TJP2: variants seen among roughly 807,000 people sequenced by gnomAD.
The protein encoded by TJP2 is Friedreich ataxia region gene X104 (tight junction protein ZO-2).
A neutral mutation model predicts 133.1 loss-of-function variants in TJP2; 91 were observed. That is an observed-to-expected ratio of 0.68 (90% CI 0.58 to 0.81). The LOEUF (loss-of-function observed/expected upper bound fraction) is 0.81, where lower values mean the gene tolerates loss of function less well. TJP2 is among the 40% of genes least tolerant of loss of function. TJP2 has a pLI of 0.00. For missense variants in TJP2, 1,541 were observed against 1,565.6 expected (o/e 0.98, Z 0.26); for synonymous variants, 592 against 583.4 (o/e 1.01, Z -0.21).
At position 69,191,420 on chromosome 9, in the gene TJP2, G is replaced by A. The variant is rs1003681342; in HGVS notation, c.60+16988G>A. On this transcript the variant is annotated intron_variant, in intron 1 of 22. Transcript: ENST00000377245. Reference sequence around the variant, plus strand: ...TGACTATTTCAGTTCCAAACAGTTCGTTATTTCCTGTCAGAGGAAACTTCA... The same window carrying A: ...TGACTATTTCAGTTCCAAACAGTTCATTATTTCCTGTCAGAGGAAACTTCA... 2.6e-5 allele frequency among the ~76,000 whole-genome samples: 4 copies of A among 152,130 alleles called. No individual in the cohort carries two copies. The East Asian group carries it at 5.8e-4, about 22-fold the overall frequency.
chr9:69,140,007 ATCAGTATGGAACTCAAACACCC>A (rs1432576187), intron 1 of TJP2, among the ~76,000 whole-genome samples: 1 of 152,130 alleles, frequency 6.6e-6, no homozygotes, highest in African/African-American at 2.4e-5. Flanking sequence ...GCAGGCTTAG[ATCAGTATGGAACTCAAACACCC>A]TCAGAGCTGC....
At chr9:69,173,874 G>C (rs973124116), upstream of TJP2, among the ~76,000 whole-genome samples, 4 of 152,170 alleles carry the variant, frequency 2.6e-5, no homozygotes, top group Non-Finnish European at 5.9e-5. Flanking sequence ...CTCCAAACTT[G>C]CAGCACTTCC....
chr9:69,238,060 G>T, intron 15 of TJP2, 87 bp downstream of exon 15: 2 of 902,154 alleles, frequency 2.2e-6, no homozygotes, highest in South Asian at 2.8e-5. Context: ...GAACACCCAC[G>T]TACCCTTCAC....
intron 1 of TJP2, among the ~76,000 whole-genome samples, chr9:69,191,736 T>A (rs201148164): frequency 0.015 from 2,279 of 151,744 alleles, 33 homozygotes; most frequent in Non-Finnish European, 0.023. Flanking sequence ...CAGTTCATTT[T>A]TAAAATTTTT....
Position 69,251,277 on chromosome 9 carries a change from C to T in TJP2, c.3234C>T (p.Val1078=). The change falls in exon 21 of 23, where the codon GTC becomes GTT. Residue 1078 remains valine, a synonymous_variant. Coordinates refer to ENST00000377245, the MANE Select transcript of TJP2 (RefSeq NM_004817.4). Reference sequence around the variant, plus strand: ...AGCAAGATAATGCTCCCAAATCAGTCCTGGGCAAAGTCAAAATATTTGAGA... The same window carrying T: ...AGCAAGATAATGCTCCCAAATCAGTTCTGGGCAAAGTCAAAATATTTGAGA... ...SEEQDNAPKS[V]LGKVKIFEKM... The T allele has an allele frequency of 6.2e-7, 1 of 1,614,126 alleles. No homozygotes were observed. Among genetic ancestry groups the T allele is most frequent in the Non-Finnish European group, 8.5e-7 (1 of 1,180,026 alleles).
Position 69,221,391 on chromosome 9 carries a change from C to A in TJP2, c.847C>A (p.Arg283=), listed in dbSNP as rs867319310. ...ARHDARSRGP[R]SRSREHPHSR... is the part of the protein sequence containing the mutation. ...CCACGATGCCCGCTCTCGGGGACCC[C>A]GAAGCCGCAGCCGCGAGCACCCGCA... The change falls in exon 5 of 23, where the codon CGA becomes AGA. Residue 283 remains arginine, a synonymous_variant. Transcript: ENST00000377245. 3 of 1,580,946 alleles carry A rather than the reference C, an allele frequency of 1.9e-6. No individual in the cohort carries two copies. In the African/African-American group the frequency reaches 4.0e-5, roughly 21 times the overall value.
At chr9:69,203,245 C>G (rs1248017181) in intron 1 of TJP2, among the ~76,000 whole-genome samples, 1 of 152,092 alleles carries the variant, frequency 6.6e-6, no homozygotes, top group African/African-American at 2.4e-5. Context: ...TCTGCATAGC[C>G]TAGGTTGAGG....
Position 69,229,267 on chromosome 9 carries a change from CTCTT to C in TJP2, c.1520+19_1520+22del. 1 of 1,611,212 alleles carries C rather than the reference CTCTT, an allele frequency of 6.2e-7. No homozygotes were observed. The highest frequency in any genetic ancestry group is 1.7e-5 in the Admixed American group (1 of 60,008). On this transcript the variant is annotated intron_variant, in intron 10 of 22. Transcript: ENST00000377245. ...AATATATGGGTATGTATTTCCGTCT[CTCTT>C]TGTTTTCCCTTCTTCCTTACAGCTC... is the stretch of plus-strand genomic sequence containing the variant.
Position 69,248,153 on chromosome 9 carries a change from C to A in TJP2, c.2809C>A (p.Leu937Met). 6.2e-7 allele frequency: 1 copy of A among 1,613,922 alleles called. No homozygotes were observed. Among genetic ancestry groups the A allele is most frequent in the Non-Finnish European group, 8.5e-7 (1 of 1,179,952 alleles). Residue 937 changes from leucine to methionine, a missense_variant, in exon 19 of 23, where the codon CTG becomes ATG. Transcript: ENST00000377245. ...AGGAGGCGCCTACACTGACAATGAG[C>A]TGGATGAGCCAGCCGAGGAGCCGCT... ...GEGGAYTDNE[L>M]DEPAEEPLVS...
At chr9:69,154,673 A>C (rs1200554566) in intron 2 of TJP2, among the ~76,000 whole-genome samples, 4 of 151,486 alleles carry the variant, frequency 2.6e-5, no homozygotes, top group Non-Finnish European at 4.4e-5. Context: ...ACCTATAATC[A>C]TAGCACTTTC....
chr9:69,179,452 G>A (rs144913699), intron 1 of TJP2, among the ~76,000 whole-genome samples: 36 of 151,692 alleles, frequency 2.4e-4, no homozygotes, highest in Non-Finnish European at 4.9e-4. Context: ...TACAGTTACT[G>A]TATGGGGGTG....
chr9:69,131,070 T>C (rs2133236613), intron 1 of TJP2, among the ~76,000 whole-genome samples: 1 of 152,326 alleles, frequency 6.6e-6, no homozygotes, highest in South Asian at 2.1e-4. Flanking sequence ...TTTTAGTCTT[T>C]CTGGCCGTAG....
rs1187724233 is a variant in TJP2 at position 69,228,234 on chromosome 9, T to A, written c.1453+120T>A. The A allele has an allele frequency of 2.4e-6, 3 of 1,255,462 alleles. No homozygotes were observed. The Admixed American group carries it at 6.0e-5, about 25-fold the overall frequency. 77.8% of individuals were successfully genotyped at this position (1,255,462 alleles called of 1,614,324 possible). A position where few individuals can be genotyped will look rare whatever the true frequency, so the allele number is the denominator to read the frequency against. On this transcript the variant is annotated intron_variant, in intron 9 of 22. Coordinates refer to ENST00000377245, the MANE Select transcript of TJP2 (RefSeq NM_004817.4). ...ACGTGGATGCAGCTGGAGGCCATTA[T>A]CCTAAGCTAATTAACATGGTAACAG... is the stretch of plus-strand genomic sequence containing the variant.
At chr9:69,196,950 C>CGTGTGTGT (rs1564425664) in intron 1 of TJP2, among the ~76,000 whole-genome samples, 39 of 126,262 alleles carry the variant, frequency 3.1e-4, no homozygotes, top group African/African-American at 9.3e-4. Context: ...TGTGTGTACA[C>CGTGTGTGT]ACACACACAC....
chr9:69,213,659 C>T (rs187801657), intron 2 of TJP2, among the ~76,000 whole-genome samples: 147 of 152,348 alleles, frequency 9.6e-4, no homozygotes, highest in African/African-American at 3.4e-3. Flanking sequence ...GATCAGTAAT[C>T]ACAATTTCCT....
At chr9:69,141,466 TCTCA>T (rs57076256) in intron 1 of TJP2, among the ~76,000 whole-genome samples, 8,473 of 152,120 alleles carry the variant, frequency 0.056, 360 homozygotes, top group East Asian at 0.22. Context: ...TGTCTTTCAG[TCTCA>T]CTGTTTTTCC....
chr9:69,201,610 T>G (rs762618618), intron 1 of TJP2, among the ~76,000 whole-genome samples: 1 of 152,172 alleles, frequency 6.6e-6, no homozygotes, highest in South Asian at 2.1e-4. Context: ...TGGTCGACAT[T>G]TGTTGAATGA....
chr9:69,233,740 G>A (rs1305915810), intron 11 of TJP2, among the ~76,000 whole-genome samples: 1 of 151,908 alleles, frequency 6.6e-6, no homozygotes, highest in African/African-American at 2.4e-5. Context: ...TCGCGCCATT[G>A]CACTCCAGCC....
intron 20 of TJP2, chr9:69,249,813 C>T (rs745782797): frequency 2.6e-5 from 25 of 956,228 alleles, no homozygotes; most frequent in African/African-American, 7.1e-5. Flanking sequence ...AATCGCAGAA[C>T]GTGTTTTTCT....
Sources: allele counts gnomAD v4.1 joint callset (sites outside exome capture counted in the v4.1 genomes callset), GRCh38; gene constraint gnomAD v4.1.1; transcripts MANE v1.5; gene names NCBI Gene and HGNC (gene_info 2026-07-23, HGNC 2026-07-21).